UROS: variants seen among roughly 807,000 people sequenced by gnomAD.
UROS encodes uroporphyrinogen-III synthase.
In UROS, 18 loss-of-function variants were observed where a neutral mutation model predicts 33.0. The observed-to-expected ratio is 0.55, with a 90% CI of 0.38 to 0.81. UROS has a LOEUF of 0.81. UROS is among the 30% of genes least tolerant of loss of function. The pLI is 0.00. For missense variants in UROS, 293 were observed against 314.9 expected (o/e 0.93, Z 0.53); for synonymous variants, 114 against 121.1 (o/e 0.94, Z 0.38).
chr10:125,800,331 G>A (rs528941892), intron 6 of UROS, among the ~76,000 whole-genome samples: 2 of 152,278 alleles, frequency 1.3e-5, no homozygotes, highest in South Asian at 2.1e-4. Flanking sequence ...GATTCTTTCC[G>A]AATAATGCCT....
chr10:125,803,861 T>C (rs1246995211), intron 6 of UROS, among the ~76,000 whole-genome samples: 1 of 152,244 alleles, frequency 6.6e-6, no homozygotes, highest in African/African-American at 2.4e-5. Context: ...GGCTTGGCCA[T>C]GGCTACTGCC....
intron 9 of UROS, chr10:125,789,275 G>C: frequency 7.2e-7 from 1 of 1,396,786 alleles, no homozygotes; most frequent in Non-Finnish European, 9.3e-7. Context: ...CCCCAGGCTG[G>C]TGCTCACCAT....
chr10:125,786,592 C>T (rs1210120044), downstream of UROS, among the ~76,000 whole-genome samples: 2 of 152,150 alleles, frequency 1.3e-5, no homozygotes, highest in Non-Finnish European at 2.9e-5. Flanking sequence ...AAAATACTGA[C>T]CTCCCAGACC....
chr10:125,822,060 C>G (rs1564810632), intron 1 of UROS, among the ~76,000 whole-genome samples: 1 of 152,208 alleles, frequency 6.6e-6, no homozygotes, highest in Non-Finnish European at 1.5e-5. Context: ...TAGCGCAGCT[C>G]ACACCATTCC....
intron 6 of UROS, among the ~76,000 whole-genome samples, chr10:125,800,130 C>T (rs1008896924): frequency 6.6e-5 from 10 of 152,076 alleles, no homozygotes; most frequent in Non-Finnish European, 1.2e-4. Context: ...AAAGTCACTG[C>T]AGGCAATTAA....
At chr10:125,797,423 T>C (rs923659861) in intron 7 of UROS, among the ~76,000 whole-genome samples, 2 of 152,236 alleles carry the variant, frequency 1.3e-5, no homozygotes, top group African/African-American at 2.4e-5. Flanking sequence ...TTCATTCACA[T>C]AGCTAATAAA....
chr10:125,796,207 A>C lies in UROS; in HGVS notation c.476-19T>G, dbSNP rs1264726580. 1 of 1,613,718 alleles carries C rather than the reference A, an allele frequency of 6.2e-7. No individual in the cohort carries two copies. Among genetic ancestry groups the C allele is most frequent in the Non-Finnish European group, 8.5e-7 (1 of 1,179,626 alleles). On this transcript the variant is annotated intron_variant, in intron 7 of 9. Transcript: ENST00000368797. ...GCAATCCCTGGGCACAATCAAAAGCAGGAAAGACTTTACCGCACTGGGCAC... is the reference window on the plus strand; with the variant it reads ...GCAATCCCTGGGCACAATCAAAAGCCGGAAAGACTTTACCGCACTGGGCAC...
intron 6 of UROS, among the ~76,000 whole-genome samples, chr10:125,803,519 A>G (rs1485579321): frequency 6.6e-6 from 1 of 152,172 alleles, no homozygotes; most frequent in African/African-American, 2.4e-5. Context: ...TAAGGGATAA[A>G]TTTCAGAGAC....
chr10:125,798,128 G>T lies in UROS; in HGVS notation c.412C>A (p.Pro138Thr). 6.2e-7 allele frequency: 1 copy of T among 1,613,938 alleles called. No individual in the cohort carries two copies. The highest frequency in any genetic ancestry group is 8.5e-7 in the Non-Finnish European group (1 of 1,179,828). ...YICSRESSAL[P>T]LLFPCGNLKR... Reference sequence around the variant, plus strand: ...AGGTTTCCACAGGGAAATAGAAGAGGCAGTGCTGAGGACTCCCCTGTGAAT... The same window carrying T: ...AGGTTTCCACAGGGAAATAGAAGAGTCAGTGCTGAGGACTCCCCTGTGAAT... Residue 138 changes from proline to threonine, a missense_variant, in exon 7 of 10, where the codon CCT (proline) becomes ACT (threonine). Pro to Thr is a conservative substitution (Grantham distance 38). Transcript: ENST00000368797.
chr10:125,811,527 G>C (rs1214676706), intron 5 of UROS, among the ~76,000 whole-genome samples: 1 of 152,048 alleles, frequency 6.6e-6, no homozygotes, highest in Non-Finnish European at 1.5e-5. Context: ...CTCCCAACTG[G>C]TTTCTTCCCC....
rs774946335 is a variant in UROS at position 125,794,975 on chromosome 10, C to G, written c.565G>C (p.Val189Leu). ...NLNSYYSQQGVPASITFFSPS... is the reference protein window; with the variant it reads ...NLNSYYSQQGLPASITFFSPS... ...CTAAAAAATGTGATGCTGGCTGGAA[C>G]CCCCTGTGGGGAACAGAAAACAAGA... is the stretch of plus-strand genomic sequence containing the variant. Residue 189 changes from valine (V) to leucine (L), a missense_variant, in exon 9 of 10, where the codon GTT becomes CTT. Transcript: ENST00000368797. 1 of 1,613,840 alleles carries G rather than the reference C, an allele frequency of 6.2e-7. No homozygotes were observed. The highest frequency in any genetic ancestry group is 1.3e-5 in the African/African-American group (1 of 75,034).
Position 125,796,131 on chromosome 10 carries a change from C to T in UROS, c.533G>A (p.Gly178Glu), listed in dbSNP as rs764176279. ...YQTVAHPGIQ[G>E]NLNSYYSQQG... ...CTGGGAATAGTAGCTGTTCAGGTTC[C>T]CTTGGATTCCTGGGTGTGCAACTGT... The change falls in exon 8 of 10, where the codon GGG becomes GAG. Residue 178 changes from glycine to glutamate, a missense_variant. Transcript: ENST00000368797. The T allele has an allele frequency of 9.3e-6, 15 of 1,614,090 alleles. No homozygotes were observed. In the African/African-American group the frequency reaches 1.7e-4, roughly 19 times the overall value.
At chr10:125,816,674 T>C in intron 1 of UROS, 149 bp from the exon 2 acceptor site, 1 of 731,594 alleles carries the variant, frequency 1.4e-6, no homozygotes, top group South Asian at 1.6e-5. Flanking sequence ...ACTAATGGGC[T>C]TGTTCTTTCT....
At chr10:125,792,212 A>C (rs916191793) in intron 9 of UROS, 3 of 152,242 alleles carry the variant, frequency 2.0e-5, no homozygotes, top group Non-Finnish European at 4.4e-5. Flanking sequence ...CAAATGGCAA[A>C]CATGACTGTA....
At chr10:125,796,034 G>A (rs939046144) in intron 8 of UROS, 69 bp downstream of exon 8, 12 of 1,369,718 alleles carry the variant, frequency 8.8e-6, no homozygotes, top group East Asian at 4.6e-5. Flanking sequence ...CTATCAGCTC[G>A]TGCCCTTCAC....
chr10:125,788,091 G>A (rs1159878373), downstream of UROS, among the ~76,000 whole-genome samples: 1 of 152,192 alleles, frequency 6.6e-6, no homozygotes, highest in Non-Finnish European at 1.5e-5. Context: ...ATCTTTCAAG[G>A]AGACAGAGGT....
chr10:125,802,349 T>G (rs138574052), intron 6 of UROS: 1 of 985,878 alleles, frequency 1.0e-6, no homozygotes, highest in Non-Finnish European at 1.2e-6. Flanking sequence ...CTGCAGCTAT[T>G]TCAACACCTG....
At chr10:125,796,731 G>T in intron 7 of UROS, 1 of 948,622 alleles carries the variant, frequency 1.1e-6, no homozygotes, top group African/African-American at 1.8e-5. Context: ...CAGCGACTCT[G>T]AATATTCCCA....
At chr10:125,812,972 T>C (rs748851503) in intron 4 of UROS, among the ~76,000 whole-genome samples, 30 of 152,254 alleles carry the variant, frequency 2.0e-4, no homozygotes, top group Non-Finnish European at 3.5e-4. Flanking sequence ...TTCCAAAATC[T>C]GGTTATGAAC....
Sources: allele counts gnomAD v4.1 joint callset (sites outside exome capture counted in the v4.1 genomes callset), GRCh38; gene constraint gnomAD v4.1.1; transcripts MANE v1.5; gene names NCBI Gene and HGNC (gene_info 2026-07-23, HGNC 2026-07-21).